CIT: variants seen among roughly 807,000 people sequenced by gnomAD.
CIT encodes citron rho-interacting serine/threonine kinase, also known as citron Rho-interacting kinase.
In CIT, 79 loss-of-function variants were observed where a neutral mutation model predicts 272.7. That is an observed-to-expected ratio of 0.29 (90% CI 0.24 to 0.35). The LOEUF is 0.35. CIT is among the 10% of genes least tolerant of loss of function. The pLI, the probability that CIT is intolerant of heterozygous loss-of-function variation, is 1.00. For synonymous variants in CIT, 948 were observed against 995.6 expected (o/e 0.95, Z 0.90); for missense variants, 1,909 against 2,618.3 (o/e 0.73, Z 5.91).
At position 119,697,949 on chromosome 12, in the gene CIT, T is replaced by G; in HGVS notation, c.5702+27A>C. Reference sequence around the variant, plus strand: ...AACACCTACCCCAATAGCTGAAGTTTTCCACGCATGGGAGGACAATGCTTA... The same window carrying G: ...AACACCTACCCCAATAGCTGAAGTTGTCCACGCATGGGAGGACAATGCTTA... On this transcript the variant is annotated intron_variant, in intron 45 of 47. Transcript: ENST00000392521. The surrounding 1 kb of genome is among the most constrained non-coding windows in gnomAD (Gnocchi z 4.9). 1 of 1,613,946 alleles carries G rather than the reference T, an allele frequency of 6.2e-7. No individual in the cohort carries two copies. Among genetic ancestry groups the G allele is most frequent in the Non-Finnish European group, 8.5e-7 (1 of 1,179,810 alleles).
intron 4 of CIT, among the ~76,000 whole-genome samples, chr12:119,851,298 A>C (rs945749620): frequency 1.3e-5 from 2 of 152,248 alleles, no homozygotes; most frequent in African/African-American, 4.8e-5. Flanking sequence ...GCACATGTGT[A>C]GGTGGATATA....
At chr12:119,723,396 T>TAAAAAA (rs1565942859) in intron 28 of CIT, among the ~76,000 whole-genome samples, 1 of 133,870 alleles carries the variant, frequency 7.5e-6, no homozygotes. Context: ...TCCCTATACA[T>TAAAAAA]TAAAAAAAAA....
intron 24 of CIT, 62 bp from the exon 25 acceptor site, chr12:119,735,419 T>G: frequency 6.5e-7 from 1 of 1,543,672 alleles, no homozygotes; most frequent in East Asian, 2.2e-5. Context: ...AGAAATTGCT[T>G]CTAGGGCTAT....
rs1056153154 is a variant in CIT at position 119,757,610 on chromosome 12, C to T, written c.2532-65G>A. 106 of 1,594,278 alleles carry T rather than the reference C, an allele frequency of 6.6e-5. No homozygotes were observed. The African/African-American group carries it at 1.2e-3, about 18-fold the overall frequency. On this transcript the variant is annotated intron_variant, in intron 21 of 47. Transcript: ENST00000392521. ...CTCATTAGGGTTGAGCCCGTTTCCA[C>T]GGGAGGTAGACGGACACGGAGTTAG...
intron 41 of CIT, among the ~76,000 whole-genome samples, chr12:119,703,159 G>GA (rs11439535): frequency 0.27 from 40,266 of 151,914 alleles, 5,580 homozygotes; most frequent in Middle Eastern, 0.35. Context: ...GAAATGCTAG[G>GA]AAAAAAAATC....
intron 9 of CIT, among the ~76,000 whole-genome samples, chr12:119,817,525 G>GC (rs1967304361): frequency 6.6e-6 from 1 of 151,846 alleles, no homozygotes; most frequent in Non-Finnish European, 1.5e-5. Context: ...AAAAAATCAA[G>GC]CACATGTGGT....
intron 3 of CIT, among the ~76,000 whole-genome samples, chr12:119,860,850 A>G (rs2138332479): frequency 6.6e-6 from 1 of 152,026 alleles, no homozygotes; most frequent in African/African-American, 2.4e-5. Context: ...ACCAGGCGCA[A>G]TGGCTCAGGC....
At position 119,850,178 on chromosome 12, in the gene CIT, T is replaced by C; in HGVS notation, c.512A>G (p.Tyr171Cys). Reference sequence around the variant, plus strand: ...GAGACAGATGTAAAGACTCACCAGATAAAGGTGATTTTTGTCCTGAAAGGC... The same window carrying C: ...GAGACAGATGTAAAGACTCACCAGACAAAGGTGATTTTTGTCCTGAAAGGC... The part of the protein sequence containing the change: ...QYAFQDKNHL[Y>C]LVMEYQPGGD... The change falls in exon 5 of 48, where the codon TAT becomes TGT. Residue 171 changes from tyrosine (Y) to cysteine (C), a missense_variant. Physicochemically the swap from Tyr to Cys is radical, Grantham distance 194. Coordinates refer to ENST00000392521, the MANE Select transcript of CIT (RefSeq NM_001206999.2). 2.5e-6 allele frequency: 4 copies of C among 1,586,292 alleles called. No individual in the cohort carries two copies. The highest frequency in any genetic ancestry group is 3.5e-6 in the Non-Finnish European group (4 of 1,154,992).
intron 23 of CIT, among the ~76,000 whole-genome samples, chr12:119,745,003 C>G (rs1192985670): frequency 6.6e-6 from 1 of 151,484 alleles, no homozygotes; most frequent in Non-Finnish European, 1.5e-5. Flanking sequence ...AACATACATG[C>G]AATTAGAGAC....
At chr12:119,819,362 T>G (rs372803) in intron 9 of CIT, among the ~76,000 whole-genome samples, 112,063 of 151,880 alleles carry the variant, frequency 0.74, 41,950 homozygotes, top group East Asian at 0.97. Flanking sequence ...GACCCAGGAG[T>G]GTACAGAAGC....
rs1215657552 is a variant in CIT, at chr12:119,710,048, CTG to C, written c.5071+201_5071+202del. Among the ~76,000 whole-genome samples, 1 of 152,076 alleles carries C rather than the reference CTG, an allele frequency of 6.6e-6. No individual in the cohort carries two copies. Among genetic ancestry groups the C allele is most frequent in the Non-Finnish European group, 1.5e-5 (1 of 68,018 alleles). On this transcript the variant is annotated intron_variant, in intron 39 of 47. Coordinates refer to ENST00000392521, the MANE Select transcript of CIT (RefSeq NM_001206999.2). This position sits in a 1 kb window ranked among gnomAD's most constrained non-coding sequence, Gnocchi z 5.6. ...TGGGATGTTCTTTGGGAATGTCAGA[CTG>C]TGCTAAACTGGATACTGGAAGGGAA... is the stretch of plus-strand genomic sequence containing the variant.
At chr12:119,814,813 G>C (rs1412227117) in intron 9 of CIT, among the ~76,000 whole-genome samples, 4 of 152,072 alleles carry the variant, frequency 2.6e-5, no homozygotes, top group Non-Finnish European at 5.9e-5. Context: ...GAGGCGGGCG[G>C]ATTACCTGAG....
At position 119,783,904 on chromosome 12, in the gene CIT, T is replaced by C; in HGVS notation, c.1545+4A>G. ...AAGGGAAGGGGGCTTCAGGGAAGGC[T>C]CACACTGCATTCTGTGATGTAGGTA... On this transcript the variant is annotated splice_donor_region_variant and intron_variant, in intron 12 of 47. Coordinates refer to ENST00000392521, the MANE Select transcript of CIT (RefSeq NM_001206999.2). The C allele has an allele frequency of 6.3e-7, 1 of 1,575,488 alleles. No homozygotes were observed. The highest frequency in any genetic ancestry group is 1.9e-5 in the Admixed American group (1 of 53,608).
intron 10 of CIT, among the ~76,000 whole-genome samples, chr12:119,799,767 C>T (rs1192910889): frequency 6.6e-6 from 1 of 151,928 alleles, no homozygotes; most frequent in African/African-American, 2.4e-5. Context: ...GCCCCGGGGG[C>T]TGCATGCAGC....
At chr12:119,799,097 G>A (rs577374997) in intron 10 of CIT, among the ~76,000 whole-genome samples, 31 of 152,242 alleles carry the variant, frequency 2.0e-4, no homozygotes, top group Non-Finnish European at 3.7e-4. Flanking sequence ...GGTCAGAACC[G>A]TGAAGTGTCT....
intron 9 of CIT, among the ~76,000 whole-genome samples, chr12:119,806,321 A>G (rs935726099): frequency 4.3e-4 from 65 of 152,260 alleles, no homozygotes; most frequent in African/African-American, 1.5e-3. Context: ...CAGGCAGAGG[A>G]AAAAGCCACA....
rs902498861 is a variant in CIT at position 119,728,373 on chromosome 12, G to C, written c.3591+129C>G. On this transcript the variant is annotated intron_variant, in intron 28 of 47. Transcript: ENST00000392521. This position sits in a 1 kb window ranked among gnomAD's most constrained non-coding sequence, Gnocchi z 4.3. ...GGACACTGTGGGAGGAGGAGACAGG[G>C]AGTATGTGGGAACTCTCTGTGCTTT... is the stretch of plus-strand genomic sequence containing the variant. The C allele has an allele frequency of 1.5e-6, 1 of 661,442 alleles. No individual in the cohort carries two copies. Among genetic ancestry groups the C allele is most frequent in the Non-Finnish European group, 2.7e-6 (1 of 370,156 alleles). 41.0% of individuals were successfully genotyped at this position (661,442 alleles called of 1,614,324 possible).
At chr12:119,745,807 A>T (rs1284682688) in intron 23 of CIT, among the ~76,000 whole-genome samples, 2 of 93,266 alleles carry the variant, frequency 2.1e-5, no homozygotes, top group Admixed American at 1.3e-4. Context: ...ATATACCAAT[A>T]AAAAAATACA....
chr12:119,721,124 G>A (rs1364772393), intron 29 of CIT, among the ~76,000 whole-genome samples, 185 bp downstream of exon 29: 1 of 152,038 alleles, frequency 6.6e-6, no homozygotes, highest in Non-Finnish European at 1.5e-5. Context: ...CCGCCACCAC[G>A]CCAGGCTAAT....
Sources: allele counts gnomAD v4.1 joint callset (sites outside exome capture counted in the v4.1 genomes callset), GRCh38; gene constraint gnomAD v4.1.1; non-coding constraint Gnocchi (gnomAD v3.1); transcripts MANE v1.5; gene names NCBI Gene and HGNC (gene_info 2026-07-23, HGNC 2026-07-21).